The following SOX5 variants were observed in gnomAD, a reference collection of about 807,000 sequenced individuals.
SOX5 encodes transcription factor SOX-5.
In SOX5, 9 loss-of-function variants were observed where a neutral mutation model predicts 92.0. That is an observed-to-expected ratio of 0.10 (90% confidence interval 0.06 to 0.17). The LOEUF (loss-of-function observed/expected upper bound fraction) is 0.17, where lower values mean the gene tolerates loss of function less well. SOX5 is among the 10% of genes least tolerant of loss of function. The pLI, the probability that SOX5 is intolerant of heterozygous loss-of-function variation, is 1.00. For synonymous variants in SOX5, 344 were observed against 336.3 expected (o/e 1.02, Z -0.25); for missense variants, 642 against 944.5 (o/e 0.68, Z 4.20).
chr12:24,328,180 A>G (rs1412360476), intron 2 of SOX5, among the ~76,000 whole-genome samples: 1 of 152,220 alleles, frequency 6.6e-6, no homozygotes, highest in Non-Finnish European at 1.5e-5. Flanking sequence ...AATCTAAACT[A>G]TTCAAGAAGG....
intron 4 of SOX5, among the ~76,000 whole-genome samples, chr12:24,048,186 G>A (rs1315234953): frequency 6.6e-6 from 1 of 152,146 alleles, no homozygotes; most frequent in Admixed American, 6.5e-5. Flanking sequence ...CAAAATCAGT[G>A]TTATTACCCT....
chr12:23,719,414 C>T (rs893230348), intron 6 of SOX5, among the ~76,000 whole-genome samples: 4 of 152,066 alleles, frequency 2.6e-5, no homozygotes, highest in Non-Finnish European at 4.4e-5. Context: ...AGATTATTAG[C>T]ATTTCCATGC....
intron 2 of SOX5, among the ~76,000 whole-genome samples, chr12:23,894,457 C>T (rs146854201): frequency 0.016 from 2,429 of 152,042 alleles, 24 homozygotes; most frequent in Non-Finnish European, 0.023. Context: ...GAACTCCTGA[C>T]CTCAAGTGAT....
intron 2 of SOX5, among the ~76,000 whole-genome samples, chr12:23,875,617 A>AAT (rs1411673912): frequency 1.3e-5 from 2 of 152,140 alleles, no homozygotes; most frequent in Non-Finnish European, 2.9e-5. Flanking sequence ...GAAACCTGAT[A>AAT]ATATAGTATC....
chr12:24,128,276 TTC>T (rs1384109363), intron 4 of SOX5, among the ~76,000 whole-genome samples: 2 of 152,194 alleles, frequency 1.3e-5, no homozygotes, highest in Non-Finnish European at 2.9e-5. Flanking sequence ...GATAAGCATC[TTC>T]TGAGGAAAAA....
intron 4 of SOX5, among the ~76,000 whole-genome samples, chr12:23,992,460 G>T (rs1251054660): frequency 6.6e-6 from 1 of 152,052 alleles, no homozygotes; most frequent in Non-Finnish European, 1.5e-5. Context: ...TTGCAAAGTA[G>T]CCATTAATAA....
chr12:24,428,374 T>C (rs774809180), intron 1 of SOX5, among the ~76,000 whole-genome samples: 3 of 152,136 alleles, frequency 2.0e-5, no homozygotes, highest in Non-Finnish European at 4.4e-5. Flanking sequence ...CATTTTTAAA[T>C]TCAATGTGCC....
intron 1 of SOX5, among the ~76,000 whole-genome samples, chr12:24,458,932 T>C (rs1347170652): frequency 6.6e-6 from 1 of 152,024 alleles, no homozygotes; most frequent in Non-Finnish European, 1.5e-5. Context: ...CAAAAGAAAT[T>C]GTCAGTACTC....
intron 3 of SOX5, among the ~76,000 whole-genome samples, chr12:24,224,024 A>G (rs1961237237): frequency 6.6e-6 from 1 of 152,202 alleles, no homozygotes; most frequent in African/African-American, 2.4e-5. Flanking sequence ...AAGGAAAGAG[A>G]TCAAGAAGCA....
At chr12:23,641,928 G>A (rs919846150) in intron 7 of SOX5, among the ~76,000 whole-genome samples, 5 of 152,118 alleles carry the variant, frequency 3.3e-5, no homozygotes. Context: ...CATTTATTGA[G>A]TACCTGCTAT....
chr12:24,482,223 A>AAAAGAAAGATTCCCATATGGGT (rs1427830544), intron 1 of SOX5, among the ~76,000 whole-genome samples: 1 of 152,196 alleles, frequency 6.6e-6, no homozygotes, highest in African/African-American at 2.4e-5. Context: ...CCCATATGGG[A>AAAAGAAAGATTCCCATATGGGT]AAAGAAAGAA....
At chr12:23,989,821 G>A (rs1237661066) in intron 4 of SOX5, among the ~76,000 whole-genome samples, 2 of 152,078 alleles carry the variant, frequency 1.3e-5, no homozygotes, top group Admixed American at 6.6e-5. Flanking sequence ...AGAACTGTAA[G>A]AAATAAATTT....
chr12:23,633,453 T>C (rs937369415), intron 8 of SOX5, among the ~76,000 whole-genome samples: 40 of 152,202 alleles, frequency 2.6e-4, no homozygotes, highest in African/African-American at 8.7e-4. Flanking sequence ...TTTGTGTAAA[T>C]AGTGATATTC....
chr12:24,531,527 T>C (rs1951196047), intron 1 of SOX5, among the ~76,000 whole-genome samples: 1 of 152,210 alleles, frequency 6.6e-6, no homozygotes, highest in South Asian at 2.1e-4. Flanking sequence ...GTAACATATT[T>C]TAAACCTATT....
At chr12:23,535,204 C>T (rs1940066660) in intron 14 of SOX5, among the ~76,000 whole-genome samples, 2 of 152,104 alleles carry the variant, frequency 1.3e-5, no homozygotes, top group Non-Finnish European at 2.9e-5. Flanking sequence ...GTATTTTTCC[C>T]TAGAATTAAA....
intron 1 of SOX5, among the ~76,000 whole-genome samples, chr12:24,430,456 TAATA>T (rs1299475013): frequency 2.0e-5 from 3 of 151,714 alleles, no homozygotes; most frequent in African/African-American, 7.3e-5. Flanking sequence ...GGTATATATA[TAATA>T]TATATAAAAT....
At chr12:23,779,788 AATATATAT>A (rs1172787679) in intron 3 of SOX5, among the ~76,000 whole-genome samples, 2 of 110,562 alleles carry the variant, frequency 1.8e-5, no homozygotes, top group African/African-American at 3.7e-5. Context: ...CACAGATTAA[AATATATAT>A]ATATATATAT....
chr12:24,034,426 T>G (rs999662993), intron 4 of SOX5, among the ~76,000 whole-genome samples: 1 of 152,002 alleles, frequency 6.6e-6, no homozygotes, highest in African/African-American at 2.4e-5. Context: ...TGAGTTACAA[T>G]TAGTTCCGAC....
At chr12:24,312,931 A>G (rs1437761308) in intron 2 of SOX5, among the ~76,000 whole-genome samples, 1 of 152,074 alleles carries the variant, frequency 6.6e-6, no homozygotes, top group African/African-American at 2.4e-5. Flanking sequence ...GCTTTTTGGC[A>G]TATCATTTCA....
Sources: gnomAD v4.1 joint callset for allele counts (sites outside exome capture counted in the v4.1 genomes callset) on GRCh38, gnomAD v4.1.1 for gene constraint, MANE v1.5 for transcripts, NCBI Gene and HGNC (gene_info 2026-07-23, HGNC 2026-07-21) for gene names.